Variants in LGALS9C observed in about 807,000 individuals in gnomAD.
LGALS9C encodes galectin 9C, also known as galectin-9C.
Under a neutral mutation model 41.3 loss-of-function variants are expected in LGALS9C, and 7 were observed. That is an observed-to-expected ratio of 0.17 (90% confidence interval 0.10 to 0.32). The LOEUF (loss-of-function observed/expected upper bound fraction) is 0.32. Among genes scored for constraint, LGALS9C ranks in the 10% least tolerant of loss-of-function variants. The pLI is 1.00. For missense variants in LGALS9C, 102 were observed against 455.2 expected, an observed-to-expected ratio of 0.22 and a Z score of 7.06; for synonymous variants, 44 against 171.0, an observed-to-expected ratio of 0.26 and a Z score of 5.80.
At chr17:18,491,199 T>C (rs1159868508) in intron 6 of LGALS9C, 74 bp from the exon 7 acceptor site, 1 of 1,284,820 alleles carries the variant, frequency 7.8e-7, no homozygotes, top group Non-Finnish European at 1.1e-6. Context: ...GCCTGCCGTG[T>C]GGCACCCTCT....
Position 18,491,212 on chromosome 17 carries a change from T to C in LGALS9C, c.577-61T>C. The C allele has an allele frequency of 2.2e-6, 3 of 1,357,142 alleles. 1 individual carries two copies. Among genetic ancestry groups the C allele is most frequent in the Non-Finnish European group, 3.1e-6 (3 of 979,922 alleles). The allele number at this position is 1,357,142 out of a possible 1,614,324, so 84.1% of individuals were successfully genotyped here. On this transcript the variant is annotated intron_variant, in intron 6 of 10. Transcript: ENST00000328114. ...GTGCCTGCCGTGTGGCACCCTCTGG[T>C]GGGAGCTGGGGTGGTCTTTACTCAG...
At position 18,478,187 on chromosome 17, in the gene LGALS9C, G is replaced by C. The variant is rs1318902316; in HGVS notation, c.39+1294G>C. Among the ~76,000 whole-genome samples the C allele has an allele frequency of 2.3e-5, 3 of 129,740 alleles. 1 individual carries two copies. The highest frequency in any genetic ancestry group is 7.5e-5 in the African/African-American group (3 of 39,798). 85.1% of individuals were successfully genotyped at this position (129,740 alleles called of 152,430 possible). A position where few individuals can be genotyped will look rare whatever the true frequency, so the allele number is the denominator to read the frequency against. On this transcript the variant is annotated intron_variant, in intron 1 of 10. Transcript: ENST00000328114. ...TGGGCGAGCCTTAGGGTCAGCGTGT[G>C]CCACCTTGAGCATGTCACCCCATTT...
At chr17:18,491,223 G>A in intron 6 of LGALS9C, 50 bp from the exon 7 acceptor site, 4 of 1,397,426 alleles carry the variant, frequency 2.9e-6, no homozygotes, top group Non-Finnish European at 4.0e-6. Flanking sequence ...GGGAGCTGGG[G>A]TGGTCTTTAC....
Position 18,492,374 on chromosome 17 carries a change from C to A in LGALS9C, c.673-83C>A, listed in dbSNP as rs1989843781. On this transcript the variant is annotated intron_variant, in intron 8 of 10. Transcript: ENST00000328114. ...TTCTTCTCAGCTGACAGCCTAAATTCATGGGAACTGGTACAATCTTCCCCT... is the reference window on the plus strand; with the variant it reads ...TTCTTCTCAGCTGACAGCCTAAATTAATGGGAACTGGTACAATCTTCCCCT... The A allele has an allele frequency of 6.0e-6, 9 of 1,492,766 alleles. 1 individual carries two copies. Among genetic ancestry groups the A allele is most frequent in the Admixed American group, 5.3e-5 (3 of 56,722 alleles). 92.5% of individuals were successfully genotyped at this position (1,492,766 alleles called of 1,614,324 possible).
Position 18,492,748 on chromosome 17 carries a change from C to T in LGALS9C, c.813C>T (p.Pro271=). Residue 271 remains proline (P), a synonymous_variant, in exon 10 of 11, where the codon CCC becomes CCT. Coordinates refer to ENST00000328114, the MANE Select transcript of LGALS9C (RefSeq NM_001040078.3). ...SGSHIAFHMN[P]RFDENAVVRN... ...GCCACATCGCCTTCCACATGAACCCCCGTTTTGATGAGAATGCTGTGGTCC... is the reference window on the plus strand; with the variant it reads ...GCCACATCGCCTTCCACATGAACCCTCGTTTTGATGAGAATGCTGTGGTCC... 3 of 1,509,850 alleles carry T rather than the reference C, an allele frequency of 2.0e-6. No homozygotes were observed. Among genetic ancestry groups the T allele is most frequent in the Non-Finnish European group, 2.7e-6 (3 of 1,095,750 alleles). 93.5% of individuals were successfully genotyped at this position (1,509,850 alleles called of 1,614,324 possible).
chr17:18,477,941 G>A (rs1477585580), intron 1 of LGALS9C, among the ~76,000 whole-genome samples: 1 of 126,032 alleles, frequency 7.9e-6, no homozygotes, highest in African/African-American at 2.6e-5. Context: ...GGCCAGGGTT[G>A]GGCTTGGGTG....
At position 18,494,495 on chromosome 17, in the gene LGALS9C, C is replaced by G; in HGVS notation, c.*128C>G. On this transcript the variant is annotated 3_prime_UTR_variant, in exon 11 of 11. Transcript: ENST00000328114. Reference sequence around the variant, plus strand: ...CTGGGCTTTAATGCAGAGGCCATGTCCTTATCTGGTCCTGCTTCTGGCTAC... The same window carrying G: ...CTGGGCTTTAATGCAGAGGCCATGTGCTTATCTGGTCCTGCTTCTGGCTAC... 1 of 977,846 alleles carries G rather than the reference C, an allele frequency of 1.0e-6. No homozygotes were observed. Among genetic ancestry groups the G allele is most frequent in the South Asian group, 1.7e-5 (1 of 57,286 alleles). 60.6% of individuals were successfully genotyped at this position (977,846 alleles called of 1,614,324 possible). A position where few individuals can be genotyped will look rare whatever the true frequency, so the allele number is the denominator to read the frequency against.
chr17:18,489,771 G>C (rs1989736231), intron 5 of LGALS9C: 1 of 92,224 alleles, frequency 1.1e-5, no homozygotes, highest in Non-Finnish European at 2.5e-5. Flanking sequence ...CATTGTAACT[G>C]TTTGCGTGTC....
In LGALS9C at chr17:18,491,298, A is replaced by G. The variant is rs145134613; in HGVS notation, c.602A>G (p.Gln201Arg). The G allele has an allele frequency of 6.9e-5, 103 of 1,487,202 alleles. 15 individuals are homozygous for G. The African/African-American group carries it at 1.3e-3, about 18-fold the overall frequency. The allele number at this position is 1,487,202 out of a possible 1,614,324, so 92.1% of individuals were successfully genotyped here. A position where few individuals can be genotyped will look rare whatever the true frequency, so the allele number is the denominator to read the frequency against. ...PITQTVIHTV[Q>R]SASGQMFSQT... ...ACCCAGACAGTCATCCACACGGTGC[A>G]GAGTGCCTCTGGACAGATGTTCTCT... is the stretch of plus-strand genomic sequence containing the variant. Residue 201 changes from glutamine (Q) to arginine (R), a missense_variant, in exon 7 of 11, where the codon CAG becomes CGG. Coordinates refer to ENST00000328114, the MANE Select transcript of LGALS9C (RefSeq NM_001040078.3).
intron 4 of LGALS9C, among the ~76,000 whole-genome samples, chr17:18,488,517 C>T (rs796476044): frequency 0.057 from 5,812 of 102,010 alleles, 41 homozygotes; most frequent in South Asian, 0.14. Flanking sequence ...GAGATACCAA[C>T]ACCACGTGAA....
rs1343387044 is a variant in LGALS9C at position 18,482,495 on chromosome 17, T to C, written c.40-1380T>C. On this transcript the variant is annotated intron_variant, in intron 1 of 10. Transcript: ENST00000328114. ...TGACAAAAGATTTCCCCCAAGAAAT[T>C]AGAAAGTTTTACAAAAAAAAAAAAA... Among the ~76,000 whole-genome samples the C allele has an allele frequency of 1.3e-3, 157 of 117,526 alleles. 2 individuals are homozygous for C. Among genetic ancestry groups the C allele is most frequent in the Non-Finnish European group, 2.7e-3 (136 of 50,890 alleles). 77.1% of individuals were successfully genotyped at this position (117,526 alleles called of 152,430 possible).
At position 18,478,201 on chromosome 17, in the gene LGALS9C, G is replaced by A. The variant is rs1238836082; in HGVS notation, c.39+1308G>A. ...GGTCAGCGTGTGCCACCTTGAGCAT[G>A]TCACCCCATTTCTGGTTTTCTGTCA... On this transcript the variant is annotated intron_variant, in intron 1 of 10. Coordinates refer to ENST00000328114, the MANE Select transcript of LGALS9C (RefSeq NM_001040078.3). Among the ~76,000 whole-genome samples the A allele has an allele frequency of 2.3e-5, 3 of 129,728 alleles. 1 individual carries two copies. The highest frequency in any genetic ancestry group is 2.2e-4 in the Admixed American group (3 of 13,496). The allele number at this position is 129,728 out of a possible 152,430, so 85.1% of individuals were successfully genotyped here.
intron 2 of LGALS9C, chr17:18,485,724 T>G: frequency 2.3e-6 from 1 of 426,346 alleles, no homozygotes; most frequent in South Asian, 2.3e-5. Context: ...GTTTAGAAAA[T>G]CGTGCTGTAA....
rs1250701816 is a variant in LGALS9C, at chr17:18,494,536, G to A, written c.*169G>A. Reference sequence around the variant, plus strand: ...TTCTGGCTACAGCCACCCTGGAATCGAGAAGGCAGCTGACTGGGATTGCCT... The same window carrying A: ...TTCTGGCTACAGCCACCCTGGAATCAAGAAGGCAGCTGACTGGGATTGCCT... On this transcript the variant is annotated 3_prime_UTR_variant, in exon 11 of 11. Coordinates refer to ENST00000328114, the MANE Select transcript of LGALS9C (RefSeq NM_001040078.3). 3.4e-6 allele frequency: 4 copies of A among 1,161,482 alleles called. No homozygotes were observed. The highest frequency in any genetic ancestry group is 4.8e-6 in the Non-Finnish European group (4 of 828,264). The allele number at this position is 1,161,482 out of a possible 1,614,324, so 71.9% of individuals were successfully genotyped here. A position where few individuals can be genotyped will look rare whatever the true frequency, so the allele number is the denominator to read the frequency against.
rs1186133149 is a variant in LGALS9C, at chr17:18,483,307, C to T, written c.40-568C>T. On this transcript the variant is annotated intron_variant, in intron 1 of 10. Transcript: ENST00000328114. ...AAGGTGGTCAGGAGGGCAAAGGTCA[C>T]GGTGGCCATTGTTATATGGTGGTGG... Among the ~76,000 whole-genome samples, 3 of 139,944 alleles carry T rather than the reference C, an allele frequency of 2.1e-5. No homozygotes were observed. The East Asian group carries it at 5.8e-4, about 27-fold the overall frequency. 91.8% of individuals were successfully genotyped at this position (139,944 alleles called of 152,430 possible). A position where few individuals can be genotyped will look rare whatever the true frequency, so the allele number is the denominator to read the frequency against.
Position 18,488,769 on chromosome 17 carries a change from G to A in LGALS9C, c.445-172G>A, listed in dbSNP as rs954120097. ...AGCTGGAGGGAGACTGTCCCCCTGC[G>A]CTGCTCACCGAAGCCTGGCCCTTTC... On this transcript the variant is annotated intron_variant, in intron 4 of 10. Transcript: ENST00000328114. Among the ~76,000 whole-genome samples the A allele has an allele frequency of 2.4e-3, 326 of 134,878 alleles. 5 individuals are homozygous for A. The highest frequency in any genetic ancestry group is 7.8e-3 in the African/African-American group (305 of 38,892). 88.5% of individuals were successfully genotyped at this position (134,878 alleles called of 152,430 possible).
rs1250041714 is a variant in LGALS9C at position 18,476,913 on chromosome 17, G to C, written c.39+20G>C. The C allele has an allele frequency of 1.9e-6, 3 of 1,594,992 alleles. No individual in the cohort carries two copies. Among genetic ancestry groups the C allele is most frequent in the Admixed American group, 1.7e-5 (1 of 59,034 alleles). On this transcript the variant is annotated intron_variant, in intron 1 of 10. Coordinates refer to ENST00000328114, the MANE Select transcript of LGALS9C (RefSeq NM_001040078.3). ...AGCCCAGTGAGTTCCGGGGCCGTGG[G>C]CACAGGGCTGCCTCAGCCAGGGGGA...
In LGALS9C at chr17:18,483,951, G is replaced by C. The variant is rs1232984390; in HGVS notation, c.116G>C (p.Ser39Thr). Residue 39 changes from serine to threonine, a missense_variant, in exon 2 of 11, where the codon AGC (serine) becomes ACC (threonine). Physicochemically the swap from Ser to Thr is moderately conservative, Grantham distance 58. Coordinates refer to ENST00000328114, the MANE Select transcript of LGALS9C (RefSeq NM_001040078.3). ...ATCACTGTCAATGGGGCCGTTCTCA[G>C]CTGCAGTGGAACCAGGTGTGTGTAT... ...FQITVNGAVL[S>T]CSGTRFAVDF... The C allele has an allele frequency of 7.3e-7, 1 of 1,367,956 alleles. No homozygotes were observed. Among genetic ancestry groups the C allele is most frequent in the Admixed American group, 1.8e-5 (1 of 54,812 alleles). The allele number at this position is 1,367,956 out of a possible 1,614,324, so 84.7% of individuals were successfully genotyped here.
chr17:18,494,790 C>T lies in LGALS9C; in HGVS notation c.*423C>T, dbSNP rs1989950225. 1 of 178,950 alleles carries T rather than the reference C, an allele frequency of 5.6e-6. No homozygotes were observed. Among genetic ancestry groups the T allele is most frequent in the Admixed American group, 5.7e-5 (1 of 17,578 alleles). 11.1% of individuals were successfully genotyped at this position (178,950 alleles called of 1,614,324 possible). A position where few individuals can be genotyped will look rare whatever the true frequency, so the allele number is the denominator to read the frequency against. ...CTCTGACCTTTAACCTCACTCTCACCTTGCACCCTGCACCAACCCTTCACC... is the reference window on the plus strand; with the variant it reads ...CTCTGACCTTTAACCTCACTCTCACTTTGCACCCTGCACCAACCCTTCACC... On this transcript the variant is annotated 3_prime_UTR_variant, in exon 11 of 11. Transcript: ENST00000328114.
Sources: gnomAD v4.1 joint callset for allele counts (sites outside exome capture counted in the v4.1 genomes callset) on GRCh38, gnomAD v4.1.1 for gene constraint, MANE v1.5 for transcripts, NCBI Gene and HGNC (gene_info 2026-07-23, HGNC 2026-07-21) for gene names.